The following SDK2 variants were observed in gnomAD, a reference collection of about 807,000 sequenced individuals.
SDK2 encodes the protein protein sidekick-2.
A neutral mutation model predicts 253.9 loss-of-function variants in SDK2; 105 were observed. The observed-to-expected ratio is 0.41, with a 90% CI of 0.35 to 0.49. SDK2 has a LOEUF of 0.49. Ranked by LOEUF, SDK2 falls within the 20% of genes least tolerant of loss-of-function variation. The probability of loss-of-function intolerance (pLI) is 0.06; values close to 1 mark genes in which losing one functional copy is unlikely to be tolerated. For missense variants in SDK2, 2,608 were observed against 3,003.0 expected (o/e 0.87, Z 3.07); for synonymous variants, 1,249 against 1,234.9 (o/e 1.01, Z -0.24).
At chr17:73,421,453 T>C (rs2063229276) in intron 15 of SDK2, among the ~76,000 whole-genome samples, 1 of 152,222 alleles carries the variant, frequency 6.6e-6, no homozygotes, top group African/African-American at 2.4e-5. Flanking sequence ...ACATCTTTCT[T>C]GCTAGAGGTG....
chr17:73,444,915 C>A (rs531682387), intron 5 of SDK2, among the ~76,000 whole-genome samples: 1 of 152,190 alleles, frequency 6.6e-6, no homozygotes, highest in South Asian at 2.1e-4. Flanking sequence ...ATGAGCCACA[C>A]GTGCCTATGA....
At chr17:73,473,065 C>A (rs2063663400) in intron 2 of SDK2, among the ~76,000 whole-genome samples, 2 of 152,230 alleles carry the variant, frequency 1.3e-5, no homozygotes, top group Admixed American at 6.5e-5. Flanking sequence ...TACAGCTGCA[C>A]TGCAGCTTTT....
intron 1 of SDK2, among the ~76,000 whole-genome samples, chr17:73,614,136 C>T (rs956713296): frequency 2.7e-5 from 4 of 148,916 alleles, no homozygotes; most frequent in African/African-American, 9.8e-5. Context: ...TGCTGTACTT[C>T]ATACTCAGCT....
chr17:73,456,400 CAG>C (rs2063525969), intron 3 of SDK2, among the ~76,000 whole-genome samples: 1 of 152,194 alleles, frequency 6.6e-6, no homozygotes, highest in South Asian at 2.1e-4. Flanking sequence ...TAGGAAGAGA[CAG>C]AGTCAGAATT....
intron 40 of SDK2, chr17:73,357,489 T>C (rs1017330654): frequency 7.3e-4 from 140 of 192,464 alleles, no homozygotes; most frequent in African/African-American, 3.3e-3. Flanking sequence ...CGCAGGGAGC[T>C]GGCAGTGGCT....
rs2063327841 is a variant in SDK2 at position 73,431,732 on chromosome 17, G to T, written c.1313-63C>A. 2 of 1,481,374 alleles carry T rather than the reference G, an allele frequency of 1.4e-6. No homozygotes were observed. The highest frequency in any genetic ancestry group is 1.8e-6 in the Non-Finnish European group (2 of 1,112,124). 91.8% of individuals were successfully genotyped at this position (1,481,374 alleles called of 1,614,324 possible). A position where few individuals can be genotyped will look rare whatever the true frequency, so the allele number is the denominator to read the frequency against. On this transcript the variant is annotated intron_variant, in intron 10 of 44. Transcript: ENST00000392650. The surrounding 1 kb of genome is among the most constrained non-coding windows in gnomAD (Gnocchi z 5.6). Reference sequence around the variant, plus strand: ...CCAAGGGCACACCCTGCCCTTCCCTGGCCGCTCCAGGGCAGCATGGTCCCC... The same window carrying T: ...CCAAGGGCACACCCTGCCCTTCCCTTGCCGCTCCAGGGCAGCATGGTCCCC...
At chr17:73,551,053 C>A (rs1237333257) in intron 1 of SDK2, among the ~76,000 whole-genome samples, 3 of 152,190 alleles carry the variant, frequency 2.0e-5, no homozygotes, top group Non-Finnish European at 2.9e-5. Context: ...AGGAAGACAG[C>A]CACCTGTGAT....
chr17:73,345,972 C>T (rs762265242), intron 44 of SDK2, among the ~76,000 whole-genome samples: 2 of 152,012 alleles, frequency 1.3e-5, no homozygotes, highest in Non-Finnish European at 2.9e-5. Flanking sequence ...TTTGTGAGGC[C>T]GAGGTGGGTG....
intron 26 of SDK2, 120 bp downstream of exon 26, chr17:73,394,089 G>A: frequency 6.8e-6 from 4 of 587,778 alleles, no homozygotes; most frequent in Non-Finnish European, 1.1e-5. Flanking sequence ...ACGCCAGGCA[G>A]ATCCCCTGTA....
At chr17:73,363,613 C>G (rs2062659431) in intron 38 of SDK2, among the ~76,000 whole-genome samples, 1 of 152,136 alleles carries the variant, frequency 6.6e-6, no homozygotes, top group Non-Finnish European at 1.5e-5. Context: ...CTGGGCTGTC[C>G]AGGCGGGGCC....
Position 73,453,373 on chromosome 17 carries a change from T to TG in SDK2, c.479+2532_479+2533insC, listed in dbSNP as rs112000799. Among the ~76,000 whole-genome samples the TG allele has an allele frequency of 7.1e-3, 1,076 of 151,134 alleles. 19 individuals are homozygous for TG. The highest frequency in any genetic ancestry group is 0.025 in the African/African-American group (1,031 of 41,156). ...TGCTCTAAGCCACTGAGCTGGGGTT[T>TG]TTTTTTTTTTTCTTTTTTTTTGAGA... On this transcript the variant is annotated intron_variant, in intron 4 of 44. Coordinates refer to ENST00000392650, the MANE Select transcript of SDK2 (RefSeq NM_001144952.2).
At chr17:73,588,907 C>T (rs62070896) in intron 1 of SDK2, among the ~76,000 whole-genome samples, 1,768 of 152,366 alleles carry the variant, frequency 0.012, 11 homozygotes, top group Non-Finnish European at 0.02. Flanking sequence ...GCTCACTTTA[C>T]AGAAGGCGCC....
Position 73,629,564 on chromosome 17 carries a change from C to G in SDK2, c.64+14461G>C, listed in dbSNP as rs1321584350. On this transcript the variant is annotated intron_variant, in intron 1 of 44. Transcript: ENST00000392650. This position sits in a 1 kb window ranked among gnomAD's most constrained non-coding sequence, Gnocchi z 5.0. ...GATGAAAAAGAAGACCCCAGCATTT[C>G]CTAGGGAAGACGGGGGCCCCTCCCA... Among the ~76,000 whole-genome samples the G allele has an allele frequency of 6.6e-6, 1 of 152,136 alleles. No individual in the cohort carries two copies. The highest frequency in any genetic ancestry group is 1.9e-4 in the East Asian group (1 of 5,180).
In SDK2 at chr17:73,643,405, G is replaced by A. The variant is rs1381244519; in HGVS notation, c.64+620C>T. Among the ~76,000 whole-genome samples the A allele has an allele frequency of 6.6e-6, 1 of 152,084 alleles. No individual in the cohort carries two copies. The highest frequency in any genetic ancestry group is 1.5e-5 in the Non-Finnish European group (1 of 67,978). On this transcript the variant is annotated intron_variant, in intron 1 of 44. Coordinates refer to ENST00000392650, the MANE Select transcript of SDK2 (RefSeq NM_001144952.2). The surrounding 1 kb of genome is among the most constrained non-coding windows in gnomAD (Gnocchi z 6.9). ...CTCCCTGTGCACCACCCCCCGGTGG[G>A]TCCGCGGCTGCACCCGCGACCTTGG... is the stretch of plus-strand genomic sequence containing the variant.
chr17:73,344,707 G>A (rs1431894563), intron 44 of SDK2, among the ~76,000 whole-genome samples: 1 of 152,208 alleles, frequency 6.6e-6, no homozygotes. Flanking sequence ...ACAACTTTGG[G>A]CTGCGAGGAT....
intron 36 of SDK2, among the ~76,000 whole-genome samples, chr17:73,375,081 C>CA (rs1300244534): frequency 6.6e-6 from 1 of 152,098 alleles, no homozygotes. Flanking sequence ...TCTGGGGACA[C>CA]ACAAGGCTCT....
chr17:73,600,774 ATCCTATCTCCAC>A (rs1382805401), intron 1 of SDK2, among the ~76,000 whole-genome samples: 1 of 152,070 alleles, frequency 6.6e-6, no homozygotes, highest in African/African-American at 2.4e-5. Context: ...TGCCTGGTCC[ATCCTATCTCCAC>A]TCCCCACCGG....
intron 39 of SDK2, 83 bp from the exon 40 acceptor site, chr17:73,358,287 C>A: frequency 6.6e-7 from 1 of 1,520,916 alleles, no homozygotes; most frequent in Non-Finnish European, 8.8e-7. Context: ...AGGAGGAACA[C>A]TGGGTGACAA....
Position 73,629,781 on chromosome 17 carries a change from A to C in SDK2, c.64+14244T>G, listed in dbSNP as rs8080253. 6.6e-6 allele frequency among the ~76,000 whole-genome samples: 1 copy of C among 151,942 alleles called. No individual in the cohort carries two copies. The highest frequency in any genetic ancestry group is 2.4e-5 in the African/African-American group (1 of 41,346). ...CCTGGGCACCTCACTTAGTATACAG[A>C]TGGTGCTTAGTAAGTGCATGAGAAG... On this transcript the variant is annotated intron_variant, in intron 1 of 44. Transcript: ENST00000392650. The surrounding 1 kb of genome is among the most constrained non-coding windows in gnomAD (Gnocchi z 5.0).
Sources: allele counts gnomAD v4.1 joint callset (sites outside exome capture counted in the v4.1 genomes callset), GRCh38; gene constraint gnomAD v4.1.1; non-coding constraint Gnocchi (gnomAD v3.1); transcripts MANE v1.5; gene names NCBI Gene and HGNC (gene_info 2026-07-23, HGNC 2026-07-21).